DOCK4: variants seen among roughly 807,000 people sequenced by gnomAD.
DOCK4 encodes the protein dedicator of cytokinesis 4, also known as dedicator of cytokinesis protein 4.
DOCK4 carries 97 observed loss-of-function variants against 268.1 expected under a neutral mutation model. The ratio of observed to expected loss-of-function variants is 0.36; its 90% CI spans 0.31 to 0.43. DOCK4 has a LOEUF of 0.43. Ranked by LOEUF, DOCK4 falls within the 20% of genes least tolerant of loss-of-function variation. DOCK4 has a pLI of 1.00. For missense variants in DOCK4, 2,145 were observed against 2,455.7 expected (o/e 0.87, Z 2.67); for synonymous variants, 954 against 887.2 (o/e 1.08, Z -1.34).
intron 8 of DOCK4, among the ~76,000 whole-genome samples, chr7:111,966,087 G>T (rs1202288885): frequency 1.7e-5 from 1 of 57,704 alleles, no homozygotes; most frequent in Non-Finnish European, 2.8e-5. Flanking sequence ...AGCACTAAAT[G>T]ACCACAAGAG....
At chr7:111,905,497 A>T (rs1791486579) in intron 13 of DOCK4, among the ~76,000 whole-genome samples, 2 of 152,206 alleles carry the variant, frequency 1.3e-5, no homozygotes. Flanking sequence ...CAGTGACTGC[A>T]GTCAAATGGA....
intron 24 of DOCK4, among the ~76,000 whole-genome samples, chr7:111,846,715 GA>G (rs1395441284): frequency 6.6e-6 from 1 of 152,196 alleles, no homozygotes. Flanking sequence ...ATCATATCAA[GA>G]TTAAAGACAC....
chr7:112,044,905 A>C (rs1804705625), intron 1 of DOCK4, among the ~76,000 whole-genome samples: 1 of 152,118 alleles, frequency 6.6e-6, no homozygotes, highest in Non-Finnish European at 1.5e-5. Context: ...AACTCTTCCC[A>C]GCCCTCAGAC....
intron 25 of DOCK4, among the ~76,000 whole-genome samples, chr7:111,838,070 T>C (rs1803371069): frequency 8.3e-6 from 1 of 119,970 alleles, no homozygotes; most frequent in Non-Finnish European, 1.6e-5. Flanking sequence ...TGGGTGACAT[T>C]AGCGAAACCC....
Position 111,728,251 on chromosome 7 carries a change from T to A in DOCK4, c.*23A>T. On this transcript the variant is annotated 3_prime_UTR_variant, in exon 53 of 53. Transcript: ENST00000428084. Reference sequence around the variant, plus strand: ...ATTTTGTAAACGGGCAAAGAATGCATCGCAGGTACATAGAAAAGTGACTTA... The same window carrying A: ...ATTTTGTAAACGGGCAAAGAATGCAACGCAGGTACATAGAAAAGTGACTTA... The A allele has an allele frequency of 6.9e-7, 1 of 1,457,796 alleles. No homozygotes were observed. 90.3% of individuals were successfully genotyped at this position (1,457,796 alleles called of 1,614,324 possible). A position where few individuals can be genotyped will look rare whatever the true frequency, so the allele number is the denominator to read the frequency against.
At chr7:111,884,184 G>A (rs932976074) in intron 16 of DOCK4, among the ~76,000 whole-genome samples, 2 of 152,056 alleles carry the variant, frequency 1.3e-5, no homozygotes, top group South Asian at 2.1e-4. Flanking sequence ...TTTTCAGCAC[G>A]CACCCTTAAT....
chr7:111,937,294 T>A (rs1794819893), intron 11 of DOCK4, among the ~76,000 whole-genome samples: 1 of 152,222 alleles, frequency 6.6e-6, no homozygotes. Context: ...AAATTCACAG[T>A]TCCTTCCTAA....
chr7:111,832,482 C>T (rs991073171), intron 26 of DOCK4, among the ~76,000 whole-genome samples: 4 of 152,144 alleles, frequency 2.6e-5, no homozygotes, highest in Non-Finnish European at 5.9e-5. Flanking sequence ...TCCTGAATGG[C>T]AGATGAAGTA....
intron 13 of DOCK4, among the ~76,000 whole-genome samples, chr7:111,915,306 G>T (rs182072598): frequency 2.0e-5 from 3 of 152,152 alleles, no homozygotes; most frequent in Non-Finnish European, 4.4e-5. Flanking sequence ...TCTAGAAAAG[G>T]TATAGAAGTA....
chr7:111,838,363 A>T (rs1383948363), intron 25 of DOCK4, among the ~76,000 whole-genome samples: 1 of 152,174 alleles, frequency 6.6e-6, no homozygotes, highest in African/African-American at 2.4e-5. Flanking sequence ...AAACAGAAAA[A>T]CAGGTAAATG....
chr7:111,845,163 G>A (rs1024637209), intron 24 of DOCK4, among the ~76,000 whole-genome samples: 1 of 152,174 alleles, frequency 6.6e-6, no homozygotes, highest in Non-Finnish European at 1.5e-5. Context: ...GAACACCAGC[G>A]AGGCTCCCAA....
chr7:111,920,110 AG>A (rs1792976543), intron 12 of DOCK4, among the ~76,000 whole-genome samples: 1 of 152,140 alleles, frequency 6.6e-6, no homozygotes, highest in Non-Finnish European at 1.5e-5. Flanking sequence ...GATGGTTACC[AG>A]GGATTGGAGA....
At chr7:112,198,902 C>T (rs12154681) in intron 1 of DOCK4, among the ~76,000 whole-genome samples, 33,594 of 152,076 alleles carry the variant, frequency 0.22, 4,980 homozygotes, top group East Asian at 0.6. Flanking sequence ...GATGCTCCAA[C>T]GTGCTCATAA....
At chr7:111,858,474 A>G (rs1397521216) in intron 23 of DOCK4, among the ~76,000 whole-genome samples, 6 of 152,156 alleles carry the variant, frequency 3.9e-5, no homozygotes, top group Admixed American at 2.6e-4. Context: ...GTCCTCCCCA[A>G]TGTGGTGAGC....
chr7:111,812,913 G>A (rs1801247792), intron 27 of DOCK4, among the ~76,000 whole-genome samples: 1 of 152,200 alleles, frequency 6.6e-6, no homozygotes, highest in Admixed American at 6.5e-5. Context: ...TACAGCCATA[G>A]GTAGCTCGCT....
At chr7:112,127,659 AT>A (rs762799939) in intron 1 of DOCK4, among the ~76,000 whole-genome samples, 5 of 152,166 alleles carry the variant, frequency 3.3e-5, no homozygotes, top group Non-Finnish European at 5.9e-5. Context: ...TAGCAAAAAA[AT>A]AAAAATAAAA....
chr7:111,785,342 A>C (rs1799091724), intron 32 of DOCK4, among the ~76,000 whole-genome samples: 1 of 152,204 alleles, frequency 6.6e-6, no homozygotes, highest in Non-Finnish European at 1.5e-5. Flanking sequence ...GCCTGCCAAA[A>C]AGCAATGCGG....
At chr7:111,871,091 T>C (rs1038555399) in intron 20 of DOCK4, among the ~76,000 whole-genome samples, 8 of 152,232 alleles carry the variant, frequency 5.3e-5, no homozygotes, top group African/African-American at 1.7e-4. Flanking sequence ...CAAATGCTTA[T>C]CTGATAACCT....
intron 30 of DOCK4, chr7:111,801,665 T>A (rs1276643022): frequency 6.6e-6 from 1 of 151,762 alleles, no homozygotes; most frequent in Non-Finnish European, 1.5e-5. Flanking sequence ...CAAAAGAAAC[T>A]TTTTATTTCT....
Sources: allele counts gnomAD v4.1 joint callset (sites outside exome capture counted in the v4.1 genomes callset), GRCh38; gene constraint gnomAD v4.1.1; transcripts MANE v1.5; gene names NCBI Gene and HGNC (gene_info 2026-07-23, HGNC 2026-07-21).